Variants in GAB2 observed in about 807,000 individuals in gnomAD.
GAB2 encodes GRB2 associated binding protein 2, also known as GRB2-associated-binding protein 2.
In GAB2, 26 loss-of-function variants were observed where a neutral mutation model predicts 65.5. The observed-to-expected ratio is 0.40, with a 90% CI of 0.29 to 0.55. The LOEUF (loss-of-function observed/expected upper bound fraction) is 0.55. GAB2 is among the 20% of genes least tolerant of loss of function. The pLI is 0.53. For synonymous variants in GAB2, 321 were observed against 329.6 expected (o/e 0.97, Z 0.28); for missense variants, 884 against 875.8 (o/e 1.01, Z -0.12).
intron 3 of GAB2, among the ~76,000 whole-genome samples, chr11:78,227,392 C>T (rs946834479): frequency 6.6e-6 from 1 of 152,154 alleles, no homozygotes; most frequent in African/African-American, 2.4e-5. Context: ...TGGAAAGAAC[C>T]TTTAAGTTGA....
intron 1 of GAB2, among the ~76,000 whole-genome samples, chr11:78,372,371 AT>A (rs1351259537): frequency 6.6e-6 from 1 of 152,226 alleles, no homozygotes; most frequent in African/African-American, 2.4e-5. Context: ...TAGGAAAGAC[AT>A]CCAAGTCTTG....
intron 3 of GAB2, among the ~76,000 whole-genome samples, chr11:78,229,126 G>C (rs571851456): frequency 6.6e-6 from 1 of 152,250 alleles, no homozygotes; most frequent in Non-Finnish European, 1.5e-5. Flanking sequence ...GCTGACAGTT[G>C]GTATCAGCCC....
At chr11:78,375,356 G>A (rs900174458) in intron 1 of GAB2, among the ~76,000 whole-genome samples, 2 of 152,090 alleles carry the variant, frequency 1.3e-5, no homozygotes, top group Non-Finnish European at 2.9e-5. Context: ...TCTGGGCACA[G>A]CTTAATTAAA....
intron 1 of GAB2, among the ~76,000 whole-genome samples, chr11:78,350,876 T>G (rs1288284200): frequency 1.3e-5 from 2 of 152,218 alleles, no homozygotes; most frequent in African/African-American, 2.4e-5. Flanking sequence ...TAAGCAACTT[T>G]GGAAAATAAA....
chr11:78,401,950 A>G (rs1035412470), intron 1 of GAB2, among the ~76,000 whole-genome samples: 1 of 152,246 alleles, frequency 6.6e-6, no homozygotes, highest in Non-Finnish European at 1.5e-5. Flanking sequence ...TATATGAACC[A>G]TATAGAATTA....
chr11:78,414,483 A>AT (rs1395824300), intron 1 of GAB2, among the ~76,000 whole-genome samples: 5 of 152,360 alleles, frequency 3.3e-5, no homozygotes, highest in Middle Eastern at 6.8e-3. Flanking sequence ...GAAAACTACA[A>AT]TGCAGTGTAG....
chr11:78,271,854 G>A (rs867560686), intron 2 of GAB2, among the ~76,000 whole-genome samples: 7 of 152,200 alleles, frequency 4.6e-5, no homozygotes, highest in African/African-American at 7.2e-5. Context: ...GAATTCCCAC[G>A]TGTTGTGGGA....
At chr11:78,394,320 T>C (rs535529693) in intron 1 of GAB2, among the ~76,000 whole-genome samples, 6 of 151,990 alleles carry the variant, frequency 3.9e-5, no homozygotes, top group South Asian at 4.2e-4. Context: ...AAAGAAGCTA[T>C]ACTATGAGAT....
chr11:78,226,714 G>T lies in GAB2; in HGVS notation c.958C>A (p.Pro320Thr), dbSNP rs1864671093. ...CTAGGGATCTGGTAGGCTGAGAGTGGGGTGGCCGGAACATCCATATTGTCT... is the reference window on the plus strand; with the variant it reads ...CTAGGGATCTGGTAGGCTGAGAGTGTGGTGGCCGGAACATCCATATTGTCT... ...LVDNMDVPATPLSAYQIPRTF... is the reference protein window; with the variant it reads ...LVDNMDVPATTLSAYQIPRTF... The change falls in exon 4 of 10, where the codon CCA becomes ACA. Residue 320 changes from proline to threonine, a missense_variant. Physicochemically the swap from Pro to Thr is conservative, Grantham distance 38. Transcript: ENST00000361507. The T allele has an allele frequency of 3.1e-6, 5 of 1,613,852 alleles. No homozygotes were observed. The highest frequency in any genetic ancestry group is 4.2e-6 in the Non-Finnish European group (5 of 1,179,834).
At chr11:78,295,607 G>A (rs1385978162) in intron 1 of GAB2, among the ~76,000 whole-genome samples, 1 of 152,148 alleles carries the variant, frequency 6.6e-6, no homozygotes, top group East Asian at 1.9e-4. Context: ...CATGGTCAGT[G>A]CTCTTATAAT....
At chr11:78,401,571 T>C (rs1856974060) in intron 1 of GAB2, among the ~76,000 whole-genome samples, 1 of 149,240 alleles carries the variant, frequency 6.7e-6, no homozygotes, top group Non-Finnish European at 1.5e-5. Context: ...TTTAGCATAA[T>C]GTCATCAAGG....
At chr11:78,271,884 T>G (rs539103119) in intron 2 of GAB2, among the ~76,000 whole-genome samples, 2 of 152,194 alleles carry the variant, frequency 1.3e-5, no homozygotes, top group Non-Finnish European at 2.9e-5. Context: ...TGGGAGGTAA[T>G]TGAATCATGG....
chr11:78,274,934 C>T (rs1020807161), intron 2 of GAB2, among the ~76,000 whole-genome samples: 1 of 152,202 alleles, frequency 6.6e-6, no homozygotes, highest in Non-Finnish European at 1.5e-5. Context: ...CCAACTGTCC[C>T]GTGTTCTAGC....
intron 2 of GAB2, among the ~76,000 whole-genome samples, chr11:78,260,196 T>C (rs906229469): frequency 2.0e-5 from 3 of 152,016 alleles, no homozygotes; most frequent in African/African-American, 7.3e-5. Flanking sequence ...TGATTCCCCA[T>C]CCCCCTTCCA....
intron 1 of GAB2, among the ~76,000 whole-genome samples, chr11:78,378,810 C>G (rs1181471311): frequency 1.3e-5 from 2 of 152,098 alleles, no homozygotes; most frequent in Admixed American, 1.3e-4. Context: ...TATATTTAAC[C>G]AAATCATATG....
At chr11:78,276,744 T>C (rs1281087140) in intron 2 of GAB2, among the ~76,000 whole-genome samples, 1 of 152,266 alleles carries the variant, frequency 6.6e-6, no homozygotes, top group African/African-American at 2.4e-5. Context: ...CACATTTTCA[T>C]TGTACTGAAG....
intron 1 of GAB2, among the ~76,000 whole-genome samples, chr11:78,317,229 A>T (rs1855626134): frequency 6.6e-6 from 1 of 152,222 alleles, no homozygotes; most frequent in African/African-American, 2.4e-5. Flanking sequence ...GCTGCACAGC[A>T]ATATGAATGC....
At chr11:78,257,853 C>T (rs1233614002) in intron 2 of GAB2, among the ~76,000 whole-genome samples, 1 of 151,482 alleles carries the variant, frequency 6.6e-6, no homozygotes, top group African/African-American at 2.4e-5. Flanking sequence ...GGCTCAGAGA[C>T]ATCAATAGCA....
intron 5 of GAB2, 36 bp downstream of exon 5, chr11:78,225,072 G>C (rs769280460): frequency 3.7e-6 from 5 of 1,360,216 alleles, no homozygotes; most frequent in Admixed American, 1.7e-5. Context: ...ACCTAACCAG[G>C]CCGGCCTGAG....
Sources: allele counts gnomAD v4.1 joint callset (sites outside exome capture counted in the v4.1 genomes callset), GRCh38; gene constraint gnomAD v4.1.1; transcripts MANE v1.5; gene names NCBI Gene and HGNC (gene_info 2026-07-23, HGNC 2026-07-21).